Variants in NDRG1 observed in about 807,000 individuals in gnomAD.
NDRG1 encodes the protein protein NDRG1.
NDRG1 carries 32 observed loss-of-function variants against 56.9 expected under a neutral mutation model. The observed-to-expected ratio is 0.56, with a 90% confidence interval of 0.42 to 0.76. The LOEUF (loss-of-function observed/expected upper bound fraction) is 0.76, where lower values mean the gene tolerates loss of function less well. NDRG1 is among the 30% of genes least tolerant of loss of function. NDRG1 has a pLI of 0.00. For missense variants in NDRG1, 507 were observed against 545.7 expected (o/e 0.93, Z 0.71); for synonymous variants, 211 against 204.1 (o/e 1.03, Z -0.29).
At chr8:133,250,790 C>A (rs1855977696) in intron 9 of NDRG1, among the ~76,000 whole-genome samples, 2 of 151,942 alleles carry the variant, frequency 1.3e-5, no homozygotes, top group Admixed American at 6.6e-5. Flanking sequence ...CCCCACCCTT[C>A]CAAACTCATT....
intron 3 of NDRG1, among the ~76,000 whole-genome samples, chr8:133,269,882 C>T (rs1464194289): frequency 1.3e-5 from 2 of 152,242 alleles, no homozygotes; most frequent in African/African-American, 4.8e-5. Flanking sequence ...TCTGCTGCTC[C>T]CATCCTCCTA....
In NDRG1 at chr8:133,248,768, C is replaced by T. The variant is rs547082017; in HGVS notation, c.702G>A (p.Arg234=). Residue 234 remains arginine (R), a synonymous_variant, in exon 11 of 16, where the codon CGG becomes CGA. Coordinates refer to ENST00000323851, the MANE Select transcript of NDRG1 (RefSeq NM_006096.4). ...LHLFINAYNS[R]RDLEIERPMP... is the part of the protein sequence containing the mutation. Reference sequence around the variant, plus strand: ...TTGGTCGCTCAATCTCCAGGTCGCGCCGGCTGCAGGAAACAAATGCATCAT... The same window carrying T: ...TTGGTCGCTCAATCTCCAGGTCGCGTCGGCTGCAGGAAACAAATGCATCAT... 137 of 1,614,174 alleles carry T rather than the reference C, an allele frequency of 8.5e-5. 2 individuals are homozygous for T. In the South Asian group the frequency reaches 1.5e-3, roughly 17 times the overall value.
chr8:133,250,180 C>A (rs1428658424), intron 10 of NDRG1, among the ~76,000 whole-genome samples: 2 of 152,138 alleles, frequency 1.3e-5, no homozygotes, highest in Non-Finnish European at 2.9e-5. Flanking sequence ...TCTGAGTGTG[C>A]GACTGCGTCC....
rs562444411 is a variant in NDRG1 at position 133,257,392 on chromosome 8, T to TCATTGTGTG, written c.451-538_451-530dup. Reference sequence around the variant, plus strand: ...GAAAATTCATCATTAGGAGATTTTGTCATTGTGTGAAGATCTCAGAGTATA... The same window carrying TCATTGTGTG: ...GAAAATTCATCATTAGGAGATTTTGTCATTGTGTGCATTGTGTGAAGATCTCAGAGTATA... On this transcript the variant is annotated intron_variant, in intron 7 of 15. Coordinates refer to ENST00000323851, the MANE Select transcript of NDRG1 (RefSeq NM_006096.4). Among the ~76,000 whole-genome samples the TCATTGTGTG allele has an allele frequency of 3.9e-3, 592 of 152,262 alleles. 3 individuals are homozygous for TCATTGTGTG. The highest frequency in any genetic ancestry group is 4.6e-3 in the Non-Finnish European group (315 of 68,016).
intron 3 of NDRG1, among the ~76,000 whole-genome samples, chr8:133,274,033 C>T (rs2977506): frequency 0.86 from 130,797 of 152,240 alleles, 56,359 homozygotes; most frequent in East Asian, 1. Flanking sequence ...CACCCCGTGC[C>T]CTGAGGGTTC....
intron 4 of NDRG1, among the ~76,000 whole-genome samples, chr8:133,264,225 G>A (rs1189039186): frequency 6.6e-6 from 1 of 152,176 alleles, no homozygotes; most frequent in Non-Finnish European, 1.5e-5. Flanking sequence ...GGATGAAAAT[G>A]TTCCAAAATT....
intron 11 of NDRG1, among the ~76,000 whole-genome samples, chr8:133,248,280 G>A (rs947639285): frequency 1.3e-5 from 2 of 152,108 alleles, no homozygotes; most frequent in African/African-American, 2.4e-5. Flanking sequence ...CACACAACGC[G>A]GTGCACTCAG....
chr8:133,289,695 G>C (rs897120787), intron 1 of NDRG1, among the ~76,000 whole-genome samples: 1 of 152,198 alleles, frequency 6.6e-6, no homozygotes, highest in Non-Finnish European at 1.5e-5. Context: ...GGACCTGGGA[G>C]GGCAGTGGGC....
At chr8:133,276,571 C>G (rs1269539775) in intron 3 of NDRG1, among the ~76,000 whole-genome samples, 2 of 152,146 alleles carry the variant, frequency 1.3e-5, no homozygotes, top group Non-Finnish European at 2.9e-5. Context: ...GTGAATGAGT[C>G]TCAAGAGATC....
chr8:133,275,503 G>A (rs1586472643), intron 3 of NDRG1, among the ~76,000 whole-genome samples: 1 of 151,974 alleles, frequency 6.6e-6, no homozygotes, highest in Admixed American at 6.6e-5. Flanking sequence ...CAGTCTCTTT[G>A]TCACGTGACT....
At chr8:133,257,819 T>C (rs1278854110) in intron 7 of NDRG1, among the ~76,000 whole-genome samples, 1 of 152,214 alleles carries the variant, frequency 6.6e-6, no homozygotes, top group African/African-American at 2.4e-5. Context: ...TGTAGAATCA[T>C]GTCAGTATTC....
intron 13 of NDRG1, 53 bp from the exon 14 acceptor site, chr8:133,244,443 C>T (rs1564280651): frequency 1.6e-5 from 25 of 1,609,756 alleles, no homozygotes; most frequent in Admixed American, 5.0e-5. Context: ...AGGCCCTCTG[C>T]GCTCTATGAA....
At chr8:133,263,853 T>C (rs1290346044) in intron 4 of NDRG1, among the ~76,000 whole-genome samples, 1 of 150,420 alleles carries the variant, frequency 6.6e-6, no homozygotes, top group African/African-American at 2.5e-5. Context: ...TAGGTGGAGA[T>C]TGCAGTGAGC....
chr8:133,277,756 T>C (rs1486989697), intron 3 of NDRG1, among the ~76,000 whole-genome samples: 2 of 152,202 alleles, frequency 1.3e-5, no homozygotes, highest in South Asian at 2.1e-4. Context: ...AGTTAGTGGA[T>C]AGGGTGTGTG....
intron 1 of NDRG1, among the ~76,000 whole-genome samples, chr8:133,285,478 C>T (rs1227510423): frequency 6.6e-6 from 1 of 152,170 alleles, no homozygotes; most frequent in Non-Finnish European, 1.5e-5. Context: ...TGCCCAAGGC[C>T]CCTCGGATGC....
At chr8:133,285,887 C>T (rs1396377287) in intron 1 of NDRG1, among the ~76,000 whole-genome samples, 1 of 152,320 alleles carries the variant, frequency 6.6e-6, no homozygotes, top group East Asian at 1.9e-4. Flanking sequence ...TCAGCAGGTT[C>T]GTGGTCCCAA....
chr8:133,256,912 A>G (rs1264722051), intron 7 of NDRG1, 49 bp from the exon 8 acceptor site: 4 of 1,561,760 alleles, frequency 2.6e-6, no homozygotes, highest in Non-Finnish European at 3.5e-6. Context: ...AATCTGAAAC[A>G]CTAGGAACTT....
chr8:133,254,699 C>A (rs1272102922), intron 8 of NDRG1, 104 bp from the exon 9 acceptor site: 3 of 1,130,372 alleles, frequency 2.7e-6, no homozygotes, highest in Non-Finnish European at 3.9e-6. Flanking sequence ...TTGCTGGACT[C>A]CCCCCTACAT....
intron 14 of NDRG1, among the ~76,000 whole-genome samples, 196 bp downstream of exon 14, chr8:133,244,159 C>T (rs1200370296): frequency 1.3e-5 from 2 of 152,296 alleles, no homozygotes; most frequent in Non-Finnish European, 2.9e-5. Flanking sequence ...CTCTGTGAAC[C>T]GCAGTATCAC....
Sources: gnomAD v4.1 joint callset for allele counts (sites outside exome capture counted in the v4.1 genomes callset) on GRCh38, gnomAD v4.1.1 for gene constraint, MANE v1.5 for transcripts, NCBI Gene and HGNC (gene_info 2026-07-23, HGNC 2026-07-21) for gene names.